SPATA6: variants seen among roughly 807,000 people sequenced by gnomAD.
The protein encoded by SPATA6 is spermatogenesis-associated protein 6.
Under a neutral mutation model 65.3 loss-of-function variants are expected in SPATA6, and 56 were observed. That is an observed-to-expected ratio of 0.86 (90% CI 0.69 to 1.07). The LOEUF (loss-of-function observed/expected upper bound fraction) is 1.07, where lower values mean the gene tolerates loss of function less well. SPATA6 is among the 50% of genes least tolerant of loss of function. The pLI, the probability that SPATA6 is intolerant of heterozygous loss-of-function variation, is 0.00. For synonymous variants in SPATA6, 199 were observed against 213.2 expected, an observed-to-expected ratio of 0.93 and a Z score of 0.58; for missense variants, 590 against 594.8, an observed-to-expected ratio of 0.99 and a Z score of 0.08.
intron 5 of SPATA6, among the ~76,000 whole-genome samples, chr1:48,404,666 C>A (rs1320742389): frequency 6.6e-6 from 1 of 151,770 alleles, no homozygotes. Context: ...TTAAAAAAAA[C>A]AAAACAAAAA....
the SPATA6 span, among the ~76,000 whole-genome samples, chr1:48,274,063 T>C: frequency 6.6e-6 from 1 of 152,232 alleles, no homozygotes; most frequent in African/African-American, 2.4e-5. Flanking sequence ...TATCTCATTG[T>C]GGTTTTGATT....
intron 9 of SPATA6, among the ~76,000 whole-genome samples, chr1:48,362,473 A>G (rs1471614456): frequency 6.6e-6 from 1 of 152,096 alleles, no homozygotes; most frequent in Non-Finnish European, 1.5e-5. Flanking sequence ...AAAGCCTTTT[A>G]TAGGTGACTA....
At chr1:48,293,071 T>A (rs1387674329), downstream of SPATA6, among the ~76,000 whole-genome samples, 1 of 152,226 alleles carries the variant, frequency 6.6e-6, no homozygotes, top group Non-Finnish European at 1.5e-5. Context: ...CAGGCCGCTA[T>A]GAACCATGGT....
chr1:48,262,500 A>G, the SPATA6 span: 1 of 152,170 alleles, frequency 6.6e-6, no homozygotes. Context: ...ATGTCTCTCC[A>G]GTTTAAATAT....
At chr1:48,339,159 G>A (rs1262078811) in intron 11 of SPATA6, among the ~76,000 whole-genome samples, 1 of 151,874 alleles carries the variant, frequency 6.6e-6, no homozygotes, top group Non-Finnish European at 1.5e-5. Flanking sequence ...GAAAAGATAA[G>A]GACCTAAAAG....
At chr1:48,387,546 C>T (rs886162832) in intron 8 of SPATA6, among the ~76,000 whole-genome samples, 1 of 152,198 alleles carries the variant, frequency 6.6e-6, no homozygotes, top group Non-Finnish European at 1.5e-5. Context: ...ATACTACCTT[C>T]CACAATCCAA....
At chr1:48,458,746 C>G (rs1657191988) in intron 1 of SPATA6, among the ~76,000 whole-genome samples, 2 of 152,120 alleles carry the variant, frequency 1.3e-5, no homozygotes, top group South Asian at 4.1e-4. Context: ...GGCAAATCTA[C>G]AGATACGGGA....
chr1:48,432,865 G>A (rs893279060), intron 3 of SPATA6, among the ~76,000 whole-genome samples: 15 of 152,096 alleles, frequency 9.9e-5, no homozygotes, highest in African/African-American at 3.4e-4. Flanking sequence ...TAACTAAAAC[G>A]TGGAAGCAAC....
chr1:48,354,959 T>C (rs1158730788), intron 11 of SPATA6, among the ~76,000 whole-genome samples: 2 of 152,132 alleles, frequency 1.3e-5, no homozygotes, highest in Admixed American at 1.3e-4. Flanking sequence ...AGCATGTATA[T>C]AGAAACTTAA....
chr1:48,422,400 C>G (rs1653432533), intron 3 of SPATA6, among the ~76,000 whole-genome samples: 1 of 152,116 alleles, frequency 6.6e-6, no homozygotes, highest in African/African-American at 2.4e-5. Context: ...ACTGGAAAAG[C>G]TGAGCTGAGA....
chr1:48,422,604 G>A (rs1653450953), intron 3 of SPATA6, among the ~76,000 whole-genome samples: 1 of 152,108 alleles, frequency 6.6e-6, no homozygotes, highest in African/African-American at 2.4e-5. Context: ...CCTGACACTG[G>A]ATTGATATCA....
Position 48,403,902 on chromosome 1 carries a change from T to C in SPATA6, c.406-20A>G. The C allele has an allele frequency of 6.4e-7, 1 of 1,552,366 alleles. No homozygotes were observed. Among genetic ancestry groups the C allele is most frequent in the Middle Eastern group, 1.8e-4 (1 of 5,512 alleles). Reference sequence around the variant, plus strand: ...ATTTCCCTGAGAAGAAAAAAGAGGGTATTATTACACATTTCCATTTAAATA... The same window carrying C: ...ATTTCCCTGAGAAGAAAAAAGAGGGCATTATTACACATTTCCATTTAAATA... On this transcript the variant is annotated intron_variant, in intron 5 of 12. Coordinates refer to ENST00000371847, the MANE Select transcript of SPATA6 (RefSeq NM_019073.4).
At chr1:48,441,022 G>C (rs1655412435) in intron 3 of SPATA6, among the ~76,000 whole-genome samples, 1 of 152,194 alleles carries the variant, frequency 6.6e-6, no homozygotes, top group African/African-American at 2.4e-5. Flanking sequence ...CTTGTTACCA[G>C]TGTGGTTTGC....
rs182693355 is a variant in SPATA6, at chr1:48,360,506, T to C, written c.910-736A>G. On this transcript the variant is annotated intron_variant, in intron 9 of 12. Coordinates refer to ENST00000371847, the MANE Select transcript of SPATA6 (RefSeq NM_019073.4). ...TCACGAAGATTATCTGTGGAAAGAC[T>C]ATGCCAGAAGAGAGAAAAATAAATG... Among the ~76,000 whole-genome samples, 137 of 150,694 alleles carry C rather than the reference T, an allele frequency of 9.1e-4. 2 individuals carry two copies. In the South Asian group the frequency reaches 0.019, roughly 21 times the overall value.
chr1:48,465,091 T>C (rs1657717943), intron 1 of SPATA6, among the ~76,000 whole-genome samples: 1 of 152,084 alleles, frequency 6.6e-6, no homozygotes, highest in Non-Finnish European at 1.5e-5. Context: ...CCATTACACA[T>C]AACCAATAAA....
intron 11 of SPATA6, among the ~76,000 whole-genome samples, chr1:48,344,633 CAA>C (rs761471851): frequency 4.4e-4 from 67 of 152,026 alleles, no homozygotes; most frequent in Non-Finnish European, 7.2e-4. Flanking sequence ...TCAAGAGACC[CAA>C]GAGACATGCA....
At chr1:48,276,143 C>T in the SPATA6 span, among the ~76,000 whole-genome samples, 2 of 152,122 alleles carry the variant, frequency 1.3e-5, no homozygotes, top group Non-Finnish European at 2.9e-5. Context: ...TAGTATTATT[C>T]TCTGATGGTA....
chr1:48,316,653 A>G (rs1232130875), intron 11 of SPATA6, among the ~76,000 whole-genome samples: 3 of 152,212 alleles, frequency 2.0e-5, no homozygotes, highest in African/African-American at 7.2e-5. Flanking sequence ...CACCAAAAGC[A>G]GTGGCAACAA....
rs565924168 is a variant in SPATA6, at chr1:48,444,032, T to C, written c.238+7520A>G. On this transcript the variant is annotated intron_variant, in intron 3 of 12. Transcript: ENST00000371847. ...TTTCTTCACCCCATCCAGCAGGAAGTAGCTAGAGCAGTCATCGCCCAATTC... is the reference window on the plus strand; with the variant it reads ...TTTCTTCACCCCATCCAGCAGGAAGCAGCTAGAGCAGTCATCGCCCAATTC... 2.0e-5 allele frequency among the ~76,000 whole-genome samples: 3 copies of C among 152,234 alleles called. No homozygotes were observed. The East Asian group carries it at 5.8e-4, about 29-fold the overall frequency.
Sources: gnomAD v4.1 joint callset for allele counts (sites outside exome capture counted in the v4.1 genomes callset) on GRCh38, gnomAD v4.1.1 for gene constraint, MANE v1.5 for transcripts, NCBI Gene and HGNC (gene_info 2026-07-23, HGNC 2026-07-21) for gene names.